The following UBE2E2 variants were observed in gnomAD, a reference collection of about 807,000 sequenced individuals.
UBE2E2 encodes the protein ubiquitin conjugating enzyme E2 E2, also known as ubiquitin-conjugating enzyme E2 E2.
A neutral mutation model predicts 24.7 loss-of-function variants in UBE2E2; 6 were observed. That is an observed-to-expected ratio of 0.24 (90% CI 0.13 to 0.48). The LOEUF is 0.48. Among genes scored for constraint, UBE2E2 ranks in the 20% least tolerant of loss-of-function variants. The pLI is 0.99. For synonymous variants in UBE2E2, 104 were observed against 83.6 expected (o/e 1.24, Z -1.33); for missense variants, 169 against 245.0 (o/e 0.69, Z 2.07).
At chr3:23,500,958 C>G (rs1699707556) in intron 4 of UBE2E2, among the ~76,000 whole-genome samples, 1 of 152,174 alleles carries the variant, frequency 6.6e-6, no homozygotes, top group Non-Finnish European at 1.5e-5. Context: ...GCTGGTGGCA[C>G]TGGTGACCAC....
chr3:23,446,699 G>GTTTTTTTTTTTT (rs57327621), intron 3 of UBE2E2, among the ~76,000 whole-genome samples: 1 of 112,230 alleles, frequency 8.9e-6, no homozygotes, highest in Non-Finnish European at 1.7e-5. Flanking sequence ...CGTCTGTTTG[G>GTTTTTTTTTTTT]TTTTTTTTTT....
At chr3:23,348,426 G>A (rs765057774) in intron 3 of UBE2E2, among the ~76,000 whole-genome samples, 1 of 150,974 alleles carries the variant, frequency 6.6e-6, no homozygotes, top group Non-Finnish European at 1.5e-5. Flanking sequence ...AAGCTTAATT[G>A]TGAATTAGAA....
intron 3 of UBE2E2, among the ~76,000 whole-genome samples, chr3:23,393,564 C>T (rs996637902): frequency 6.6e-6 from 1 of 152,114 alleles, no homozygotes; most frequent in Non-Finnish European, 1.5e-5. Context: ...TTTGAATGCA[C>T]AGTAAAGTTT....
intron 3 of UBE2E2, among the ~76,000 whole-genome samples, chr3:23,335,752 T>A (rs1000235420): frequency 6.6e-6 from 1 of 152,168 alleles, no homozygotes; most frequent in African/African-American, 2.4e-5. Context: ...CAGGCTGGTC[T>A]TGAACTCCTG....
chr3:23,376,777 A>G (rs1454482536), intron 3 of UBE2E2, among the ~76,000 whole-genome samples: 1 of 152,212 alleles, frequency 6.6e-6, no homozygotes, highest in Non-Finnish European at 1.5e-5. Context: ...AGCTTGCCAC[A>G]GTCTGAACTC....
chr3:23,552,260 G>T (rs1695662582), intron 5 of UBE2E2, among the ~76,000 whole-genome samples: 1 of 152,190 alleles, frequency 6.6e-6, no homozygotes, highest in Non-Finnish European at 1.5e-5. Flanking sequence ...GGCCAAGGTA[G>T]AAAGATCACT....
At chr3:23,253,634 A>G (rs769112559) in intron 3 of UBE2E2, among the ~76,000 whole-genome samples, 2 of 152,248 alleles carry the variant, frequency 1.3e-5, no homozygotes, top group African/African-American at 4.8e-5. Context: ...GCTTATGGAA[A>G]ATGATAAAAA....
chr3:23,359,102 A>T (rs1341585322), intron 3 of UBE2E2, among the ~76,000 whole-genome samples: 1 of 152,200 alleles, frequency 6.6e-6, no homozygotes, highest in African/African-American at 2.4e-5. Context: ...ATTCAACATC[A>T]TGAACATTAC....
intron 3 of UBE2E2, among the ~76,000 whole-genome samples, chr3:23,352,973 C>A (rs1178989350): frequency 6.6e-6 from 1 of 152,114 alleles, no homozygotes; most frequent in African/African-American, 2.4e-5. Context: ...AACATTGATG[C>A]AAAAATCCTC....
intron 5 of UBE2E2, among the ~76,000 whole-genome samples, chr3:23,541,969 T>A (rs1245514825): frequency 6.6e-6 from 1 of 152,200 alleles, no homozygotes; most frequent in Non-Finnish European, 1.5e-5. Flanking sequence ...ATACACAGAC[T>A]AATTTAAATA....
rs1158079342 is a variant in UBE2E2, at chr3:23,534,128, C to CTT, written c.508+1447_508+1448dup. 8.2e-3 allele frequency: 3,588 copies of CTT among 438,328 alleles called. 86 individuals are homozygous for CTT. Among genetic ancestry groups the CTT allele is most frequent in the African/African-American group, 0.035 (999 of 28,914 alleles). The allele number at this position is 438,328 out of a possible 1,614,324, so 27.2% of individuals were successfully genotyped here. On this transcript the variant is annotated intron_variant, in intron 5 of 5. Transcript: ENST00000396703. ...ATTTGGAGGTAATGTTGCAAGAAGG[C>CTT]TTTTTTTTTTTTTTTTTTTTTGAGG...
At chr3:23,231,391 A>G (rs1045627324) in intron 3 of UBE2E2, among the ~76,000 whole-genome samples, 36 of 152,218 alleles carry the variant, frequency 2.4e-4, no homozygotes, top group African/African-American at 8.7e-4. Flanking sequence ...AAGAACATGA[A>G]TAAATGAGTC....
intron 5 of UBE2E2, among the ~76,000 whole-genome samples, chr3:23,557,696 C>G (rs1695824939): frequency 6.6e-6 from 1 of 152,184 alleles, no homozygotes; most frequent in African/African-American, 2.4e-5. Context: ...ATTGGAGACC[C>G]TGCTGTAGTT....
intron 4 of UBE2E2, among the ~76,000 whole-genome samples, chr3:23,515,120 GGTGTGTGTGTGT>G (rs58387270): frequency 1.9e-3 from 285 of 148,116 alleles, no homozygotes; most frequent in Admixed American, 4.9e-3. Context: ...ATAAACTTGG[GGTGTGTGTGTGT>G]GTGTGTGTGT....
In UBE2E2 at chr3:23,245,873, T is replaced by C. The variant is rs184015733; in HGVS notation, c.227+28561T>C. On this transcript the variant is annotated intron_variant, in intron 3 of 5. Coordinates refer to ENST00000396703, the MANE Select transcript of UBE2E2 (RefSeq NM_152653.4). ...ACTGTGTTTTGCATATTTACACACA[T>C]ACATCTTTTATCCTCCCACCAATTA... is the stretch of plus-strand genomic sequence containing the variant. Among the ~76,000 whole-genome samples the C allele has an allele frequency of 3.7e-3, 559 of 152,324 alleles. 4 individuals are homozygous for C. The highest frequency in any genetic ancestry group is 0.013 in the African/African-American group (534 of 41,574).
chr3:23,544,860 C>T (rs930231623), intron 5 of UBE2E2, among the ~76,000 whole-genome samples: 8 of 151,774 alleles, frequency 5.3e-5, no homozygotes, highest in African/African-American at 1.9e-4. Context: ...GGTGTTTCTC[C>T]GAGAGGGGGA....
At position 23,474,103 on chromosome 3, in the gene UBE2E2, G is replaced by T. The variant is rs369996671; in HGVS notation, c.228-25505G>T. Among the ~76,000 whole-genome samples the T allele has an allele frequency of 3.3e-5, 5 of 151,798 alleles. No homozygotes were observed. The highest frequency in any genetic ancestry group is 7.4e-5 in the Non-Finnish European group (5 of 67,956). ...TTTTTTGCGGGAGTAAGATGGTATCGCATTGTGGTTTTGATTTGCATTTCC... is the reference window on the plus strand; with the variant it reads ...TTTTTTGCGGGAGTAAGATGGTATCTCATTGTGGTTTTGATTTGCATTTCC... On this transcript the variant is annotated intron_variant, in intron 3 of 5. Transcript: ENST00000396703. This position sits in a 1 kb window ranked among gnomAD's most constrained non-coding sequence, Gnocchi z 4.0.
At chr3:23,557,218 A>G (rs1010676583) in intron 5 of UBE2E2, among the ~76,000 whole-genome samples, 2 of 152,168 alleles carry the variant, frequency 1.3e-5, no homozygotes, top group Non-Finnish European at 2.9e-5. Flanking sequence ...TGTGAGGAGC[A>G]CCTCCTACAA....
intron 5 of UBE2E2, among the ~76,000 whole-genome samples, chr3:23,563,988 AAAAAG>A (rs781063824): frequency 9.4e-4 from 142 of 150,372 alleles, no homozygotes; most frequent in Non-Finnish European, 1.7e-3. Context: ...AGAAAGAAAG[AAAAAG>A]AAAAGAAAAG....
Sources: allele counts gnomAD v4.1 joint callset (sites outside exome capture counted in the v4.1 genomes callset), GRCh38; gene constraint gnomAD v4.1.1; non-coding constraint Gnocchi (gnomAD v3.1); transcripts MANE v1.5; gene names NCBI Gene and HGNC (gene_info 2026-07-23, HGNC 2026-07-21).